Variants in CSMD3 observed in about 807,000 individuals in gnomAD.
CSMD3 encodes CUB and Sushi multiple domains 3, also known as CUB and sushi domain-containing protein 3.
Under a neutral mutation model 435.2 loss-of-function variants are expected in CSMD3, and 177 were observed. The ratio of observed to expected loss-of-function variants is 0.41; its 90% CI spans 0.36 to 0.46. The LOEUF is 0.46. CSMD3 is among the 20% of genes least tolerant of loss of function. The pLI, the probability that CSMD3 is intolerant of heterozygous loss-of-function variation, is 0.34. For missense variants in CSMD3, 4,265 were observed against 4,504.6 expected, an observed-to-expected ratio of 0.95 and a Z score of 1.52; for synonymous variants, 1,656 against 1,520.5, an observed-to-expected ratio of 1.09 and a Z score of -2.07.
chr8:113,158,476 T>C (rs1012980246), intron 4 of CSMD3, among the ~76,000 whole-genome samples: 3 of 152,086 alleles, frequency 2.0e-5, no homozygotes, highest in Non-Finnish European at 4.4e-5. Flanking sequence ...TAGAATACCA[T>C]CACTTGAATT....
chr8:112,874,259 C>CTG (rs2081217092), intron 10 of CSMD3, among the ~76,000 whole-genome samples: 2 of 152,120 alleles, frequency 1.3e-5, no homozygotes, highest in African/African-American at 4.8e-5. Flanking sequence ...TTTGATTGCA[C>CTG]TGTGGTATGA....
intron 20 of CSMD3, among the ~76,000 whole-genome samples, chr8:112,644,869 T>A (rs1044898697): frequency 1.3e-5 from 2 of 152,112 alleles, no homozygotes; most frequent in Admixed American, 1.3e-4. Flanking sequence ...TAGTTTATTA[T>A]ATCAAAAGTA....
chr8:113,195,098 CTTATATTGTCTT>C (rs2092635526), intron 3 of CSMD3, among the ~76,000 whole-genome samples: 1 of 151,146 alleles, frequency 6.6e-6, no homozygotes, highest in Non-Finnish European at 1.5e-5. Context: ...AATGGTTGTC[CTTATATTGTCTT>C]TTATATTATA....
intron 1 of CSMD3, among the ~76,000 whole-genome samples, chr8:113,348,246 C>T (rs573558230): frequency 3.7e-4 from 56 of 152,196 alleles, no homozygotes; most frequent in Non-Finnish European, 6.5e-4. Context: ...GTTTGACATG[C>T]ATTGTCTTCA....
intron 12 of CSMD3, among the ~76,000 whole-genome samples, chr8:112,805,679 A>C (rs565473791): frequency 6.6e-6 from 1 of 152,324 alleles, no homozygotes; most frequent in Admixed American, 6.5e-5. Flanking sequence ...CATCCTCTGC[A>C]AAGTTTTTTC....
intron 10 of CSMD3, among the ~76,000 whole-genome samples, chr8:112,900,590 C>T (rs927369581): frequency 6.6e-6 from 1 of 151,144 alleles, no homozygotes; most frequent in Non-Finnish European, 1.5e-5. Context: ...ACCCAGGCAC[C>T]TTTTGACTAC....
At chr8:113,122,579 G>A (rs142582824) in intron 4 of CSMD3, among the ~76,000 whole-genome samples, 2 of 152,132 alleles carry the variant, frequency 1.3e-5, no homozygotes, top group African/African-American at 4.8e-5. Flanking sequence ...TTAAATTGGG[G>A]GAAGAAGAGG....
At chr8:112,967,576 G>T (rs2084471900) in intron 7 of CSMD3, among the ~76,000 whole-genome samples, 1 of 151,674 alleles carries the variant, frequency 6.6e-6, no homozygotes, top group African/African-American at 2.4e-5. Flanking sequence ...CTGTTGTTTA[G>T]GTCTCAGTTT....
chr8:112,929,324 G>A (rs139471942), intron 9 of CSMD3, among the ~76,000 whole-genome samples: 3,343 of 150,628 alleles, frequency 0.022, 55 homozygotes, highest in Non-Finnish European at 0.031. Context: ...ACATGTATGC[G>A]TATGTAACTA....
At chr8:112,875,491 T>C (rs1017608626) in intron 10 of CSMD3, among the ~76,000 whole-genome samples, 1 of 152,202 alleles carries the variant, frequency 6.6e-6, no homozygotes, top group African/African-American at 2.4e-5. Flanking sequence ...GAAGTCCTCC[T>C]GGATAATACC....
At chr8:112,885,507 C>A (rs1490871677) in intron 10 of CSMD3, among the ~76,000 whole-genome samples, 3 of 151,612 alleles carry the variant, frequency 2.0e-5, no homozygotes, top group African/African-American at 7.3e-5. Flanking sequence ...TTGTCAAGCT[C>A]TTGAAATATA....
chr8:112,603,002 C>A (rs958125345), intron 22 of CSMD3, among the ~76,000 whole-genome samples: 52 of 152,254 alleles, frequency 3.4e-4, no homozygotes, highest in African/African-American at 1.2e-3. Context: ...CTCAGCCTCC[C>A]AAGTAGCTGG....
chr8:112,534,643 C>G (rs1210054607), intron 27 of CSMD3, among the ~76,000 whole-genome samples: 1 of 151,964 alleles, frequency 6.6e-6, no homozygotes, highest in Non-Finnish European at 1.5e-5. Context: ...CTATTCCAAT[C>G]AATAGAAAAA....
intron 7 of CSMD3, among the ~76,000 whole-genome samples, chr8:112,958,291 C>T (rs1268132821): frequency 6.6e-6 from 1 of 152,118 alleles, no homozygotes; most frequent in Non-Finnish European, 1.5e-5. Flanking sequence ...CTTTCATATG[C>T]TAAACAATTT....
At chr8:113,202,582 T>C (rs1028404159) in intron 3 of CSMD3, among the ~76,000 whole-genome samples, 1 of 152,286 alleles carries the variant, frequency 6.6e-6, no homozygotes, top group Non-Finnish European at 1.5e-5. Flanking sequence ...TATTTCCTTT[T>C]ATTCTGAAAA....
chr8:113,262,841 T>A (rs1014441969), intron 3 of CSMD3, among the ~76,000 whole-genome samples: 2 of 152,084 alleles, frequency 1.3e-5, no homozygotes, highest in African/African-American at 4.8e-5. Flanking sequence ...TGCCAACGCC[T>A]GGACTGAAGC....
chr8:113,135,066 C>A (rs1004485747), intron 4 of CSMD3, among the ~76,000 whole-genome samples: 1 of 151,974 alleles, frequency 6.6e-6, no homozygotes, highest in Non-Finnish European at 1.5e-5. Context: ...AAAGGCACAA[C>A]CTCCCAACAT....
chr8:113,305,578 TTTAA>T (rs1228566648), intron 2 of CSMD3, among the ~76,000 whole-genome samples: 3 of 152,190 alleles, frequency 2.0e-5, no homozygotes, highest in Admixed American at 6.5e-5. Context: ...GTTTTAATGG[TTTAA>T]TTTAGTCTAT....
intron 60 of CSMD3, among the ~76,000 whole-genome samples, chr8:112,264,321 C>A (rs749519961): frequency 6.6e-6 from 1 of 151,924 alleles, no homozygotes; most frequent in Middle Eastern, 3.4e-3. Context: ...TATGTTAAAC[C>A]TTATTATTAT....
Sources: allele counts gnomAD v4.1 joint callset (sites outside exome capture counted in the v4.1 genomes callset), GRCh38; gene constraint gnomAD v4.1.1; transcripts MANE v1.5; gene names NCBI Gene and HGNC (gene_info 2026-07-23, HGNC 2026-07-21).